Variants in HEMK2 observed in about 807,000 individuals in gnomAD.
The protein encoded by HEMK2 is methyltransferase HEMK2.
chr21:28,769,175 G>C, the HEMK2 span, among the ~76,000 whole-genome samples: 4 of 152,102 alleles, frequency 2.6e-5, no homozygotes, highest in African/African-American at 4.8e-5. Flanking sequence ...GATCTCTCCA[G>C]ATGTCAGGGA....
the HEMK2 span, among the ~76,000 whole-genome samples, chr21:28,654,648 T>C: frequency 1.2e-4 from 18 of 152,138 alleles, no homozygotes; most frequent in African/African-American, 4.3e-4. Context: ...TCATTTTCAG[T>C]GCTGTCCAAA....
the HEMK2 span, among the ~76,000 whole-genome samples, chr21:28,803,237 CAATT>C: frequency 6.6e-6 from 1 of 152,190 alleles, no homozygotes; most frequent in Non-Finnish European, 1.5e-5. Context: ...GGTTCCTAAG[CAATT>C]AACCTGAATA....
chr21:28,836,904 G>A, the HEMK2 span, among the ~76,000 whole-genome samples: 1 of 152,034 alleles, frequency 6.6e-6, no homozygotes, highest in Non-Finnish European at 1.5e-5. Context: ...AGTAACAGCA[G>A]TTAAAAGAGA....
the HEMK2 span, among the ~76,000 whole-genome samples, chr21:28,794,824 C>T: frequency 1.3e-5 from 2 of 152,130 alleles, no homozygotes; most frequent in African/African-American, 4.8e-5. Context: ...ACTGGGGGTT[C>T]TATGTAACAT....
the HEMK2 span, among the ~76,000 whole-genome samples, chr21:28,817,361 T>C: frequency 3.1e-4 from 47 of 152,138 alleles, no homozygotes; most frequent in African/African-American, 1.1e-3. Flanking sequence ...AAGAGGAAGA[T>C]ATAGAATACA....
At chr21:28,636,952 C>A in the HEMK2 span, among the ~76,000 whole-genome samples, 1 of 152,148 alleles carries the variant, frequency 6.6e-6, no homozygotes, top group African/African-American at 2.4e-5. Context: ...GCCTCACAGA[C>A]AAACCTGAAA....
chr21:28,662,146 C>T, the HEMK2 span, among the ~76,000 whole-genome samples: 2 of 148,740 alleles, frequency 1.3e-5, no homozygotes, highest in Non-Finnish European at 3.0e-5. Flanking sequence ...GGAAGAGGCC[C>T]ATGAAGCAGG....
chr21:28,806,240 T>C, the HEMK2 span, among the ~76,000 whole-genome samples: 1 of 152,220 alleles, frequency 6.6e-6, no homozygotes, highest in African/African-American at 2.4e-5. Flanking sequence ...TCACGACAGA[T>C]AATTATGGAA....
chr21:28,877,179 AGAGG>A, the HEMK2 span, among the ~76,000 whole-genome samples: 1 of 127,716 alleles, frequency 7.8e-6, no homozygotes, highest in African/African-American at 3.0e-5. Context: ...AGAAAGAAAG[AGAGG>A]GAGGGAGGAA....
the HEMK2 span, among the ~76,000 whole-genome samples, chr21:28,702,795 A>G: frequency 1.3e-5 from 2 of 152,330 alleles, no homozygotes; most frequent in South Asian, 4.1e-4. Context: ...TCAACCCAGC[A>G]ATCTCATTAT....
chr21:28,648,373 A>G, the HEMK2 span, among the ~76,000 whole-genome samples: 2 of 152,146 alleles, frequency 1.3e-5, no homozygotes, highest in Admixed American at 6.5e-5. Context: ...CAATAGAAAT[A>G]CCTATTTTAT....
the HEMK2 span, among the ~76,000 whole-genome samples, chr21:28,603,576 T>TGTGTGTGC: frequency 6.6e-6 from 1 of 151,404 alleles, no homozygotes. Context: ...TGTGTGTGTG[T>TGTGTGTGC]GTGTGTGTGT....
chr21:28,630,894 C>T, the HEMK2 span, among the ~76,000 whole-genome samples: 2 of 151,666 alleles, frequency 1.3e-5, no homozygotes, highest in African/African-American at 2.4e-5. Flanking sequence ...CAAACCTGCA[C>T]GTTGTGCACA....
At chr21:28,689,641 T>C in the HEMK2 span, among the ~76,000 whole-genome samples, 1 of 152,172 alleles carries the variant, frequency 6.6e-6, no homozygotes, top group Admixed American at 6.6e-5. Context: ...CCCCTGGTTA[T>C]TCAATCAAAC....
the HEMK2 span, among the ~76,000 whole-genome samples, chr21:28,745,330 C>T: frequency 6.6e-6 from 1 of 152,210 alleles, no homozygotes; most frequent in South Asian, 2.1e-4. Flanking sequence ...CACATACTTA[C>T]TCCCCAGAGA....
At chr21:28,830,043 T>C in the HEMK2 span, among the ~76,000 whole-genome samples, 1 of 152,220 alleles carries the variant, frequency 6.6e-6, no homozygotes, top group South Asian at 2.1e-4. Flanking sequence ...TTTGTCTCCC[T>C]GAATTCTTGC....
chr21:28,833,471 C>T, the HEMK2 span, among the ~76,000 whole-genome samples: 1 of 152,324 alleles, frequency 6.6e-6, no homozygotes, highest in South Asian at 2.1e-4. Context: ...CAAGATCTTT[C>T]TCAATGACTC....
chr21:28,772,773 TG>T, the HEMK2 span, among the ~76,000 whole-genome samples: 4 of 152,172 alleles, frequency 2.6e-5, no homozygotes, highest in African/African-American at 7.2e-5. Flanking sequence ...TGTGCTTCTC[TG>T]CTCCCAACCA....
chr21:28,673,021 A>C, the HEMK2 span, among the ~76,000 whole-genome samples: 1 of 151,498 alleles, frequency 6.6e-6, no homozygotes, highest in Admixed American at 6.6e-5. Context: ...AAAGAAAGAA[A>C]GAAAGAGAAA....
Sources: gnomAD v4.1 joint callset for allele counts (sites outside exome capture counted in the v4.1 genomes callset) on GRCh38, gnomAD v4.1.1 for gene constraint, MANE v1.5 for transcripts, NCBI Gene and HGNC (gene_info 2026-07-23, HGNC 2026-07-21) for gene names.